The following NUP35 variants were observed in gnomAD, a reference collection of about 807,000 sequenced individuals.
NUP35 encodes nucleoporin 35.
NUP35 carries 25 observed loss-of-function variants against 41.5 expected under a neutral mutation model. That is an observed-to-expected ratio of 0.60 (90% CI 0.44 to 0.84). NUP35 has a LOEUF of 0.84. Ranked by LOEUF, NUP35 falls within the 40% of genes least tolerant of loss-of-function variation. The probability of loss-of-function intolerance (pLI) is 0.00; values close to 1 mark genes in which losing one functional copy is unlikely to be tolerated. For synonymous variants in NUP35, 149 were observed against 130.7 expected, an observed-to-expected ratio of 1.14 and a Z score of -0.96; for missense variants, 396 against 396.6, an observed-to-expected ratio of 1.00 and a Z score of 0.01.
intron 2 of NUP35, among the ~76,000 whole-genome samples, 184 bp downstream of exon 2, chr2:183,128,641 A>G (rs1684585908): frequency 6.6e-6 from 1 of 152,140 alleles, no homozygotes; most frequent in Admixed American, 6.5e-5. Flanking sequence ...AAATGTTTTA[A>G]GAAAGTTTAC....
rs762774237 is a variant in NUP35, at chr2:183,133,547, C to G, written c.340-19C>G. 6.3e-7 allele frequency: 1 copy of G among 1,594,680 alleles called. No homozygotes were observed. The highest frequency in any genetic ancestry group is 1.1e-5 in the South Asian group (1 of 87,612). On this transcript the variant is annotated intron_variant, in intron 3 of 8. Coordinates refer to ENST00000295119, the MANE Select transcript of NUP35 (RefSeq NM_138285.5). The stretch of plus-strand genomic sequence containing the variant: ...TATGTTTTGCATTTTTACCATAACA[C>G]TTTCTTCTGTTTGTGTAGCCAAACA...
intron 4 of NUP35, among the ~76,000 whole-genome samples, chr2:183,137,464 A>G (rs978641186): frequency 6.6e-6 from 1 of 152,186 alleles, no homozygotes; most frequent in Non-Finnish European, 1.5e-5. Context: ...ACACACCTGT[A>G]GTCCCAGCCA....
At chr2:183,143,161 A>G (rs1175948436) in intron 4 of NUP35, among the ~76,000 whole-genome samples, 3 of 151,428 alleles carry the variant, frequency 2.0e-5, no homozygotes, top group African/African-American at 7.3e-5. Flanking sequence ...ATCTCAAAAA[A>G]AAAAAAAAAG....
At chr2:183,159,450 T>C (rs994397584) in intron 7 of NUP35, 38 bp from the exon 8 acceptor site, 2 of 1,547,504 alleles carry the variant, frequency 1.3e-6, no homozygotes, top group Non-Finnish European at 1.8e-6. Flanking sequence ...ATATGTATTA[T>C]GTTTATAAAC....
Position 183,128,344 on chromosome 2 carries a change from A to G in NUP35, c.98A>G (p.Gln33Arg), listed in dbSNP as rs1267033838. The change falls in exon 2 of 9, where the codon CAG (glutamine) becomes CGG (arginine). Residue 33 changes from glutamine (Q) to arginine (R), a missense_variant. By Grantham distance (43) the Gln-to-Arg change is conservative (BLOSUM62 1). Coordinates refer to ENST00000295119, the MANE Select transcript of NUP35 (RefSeq NM_138285.5). ...TCTCCAAAGCCAGGAGTTAATGCCC[A>G]GTTCTTACCTGGATTTTTAATGGGG... ...PTSPKPGVNAQFLPGFLMGDL... is the reference protein window; with the variant it reads ...PTSPKPGVNARFLPGFLMGDL... 9 of 1,613,974 alleles carry G rather than the reference A, an allele frequency of 5.6e-6. No homozygotes were observed. In the South Asian group the frequency reaches 8.8e-5, roughly 16 times the overall value.
chr2:183,132,676 T>C (rs900989765), intron 3 of NUP35, among the ~76,000 whole-genome samples: 6 of 152,234 alleles, frequency 3.9e-5, no homozygotes, highest in Admixed American at 1.3e-4. Context: ...CTTACAGATA[T>C]TGCTGTATTC....
upstream of NUP35, chr2:183,124,352 G>A (rs1190246322): frequency 7.5e-6 from 12 of 1,597,604 alleles, no homozygotes; most frequent in Non-Finnish European, 1.0e-5. Context: ...AGGTCCGGAA[G>A]TTACGCAACC....
At chr2:183,153,015 G>A (rs1575134242) in intron 5 of NUP35, among the ~76,000 whole-genome samples, 2 of 152,188 alleles carry the variant, frequency 1.3e-5, no homozygotes, top group African/African-American at 4.8e-5. Flanking sequence ...GGAGGTGAAA[G>A]GCACTTCTTA....
chr2:183,157,320 A>G (rs1227074064), intron 5 of NUP35, 124 bp from the exon 6 acceptor site: 32 of 750,132 alleles, frequency 4.3e-5, no homozygotes, highest in Non-Finnish European at 7.5e-5. Context: ...CAGGATGATC[A>G]GCACTCTCCT....
chr2:183,133,630 G>A lies in NUP35; in HGVS notation c.397+7G>A. 6.6e-7 allele frequency: 1 copy of A among 1,513,084 alleles called. No individual in the cohort carries two copies. The highest frequency in any genetic ancestry group is 8.9e-7 in the Non-Finnish European group (1 of 1,127,904). 93.7% of individuals were successfully genotyped at this position (1,513,084 alleles called of 1,614,324 possible). ...ACATCTACTCCTGGAACAGGTAAGT[G>A]ATTCTTTCTTTTTTTTTTTTTTTTT... is the stretch of plus-strand genomic sequence containing the variant. On this transcript the variant is annotated splice_region_variant and intron_variant, in intron 4 of 8. Transcript: ENST00000295119.
At chr2:183,151,684 C>T (rs892742080) in intron 5 of NUP35, 35 bp downstream of exon 5, 3 of 1,582,098 alleles carry the variant, frequency 1.9e-6, no homozygotes, top group East Asian at 2.3e-5. Flanking sequence ...TTTAAAAACC[C>T]CACCCTAACA....
In NUP35 at chr2:183,137,905, G is replaced by T. The variant is rs576011860; in HGVS notation, c.397+4282G>T. On this transcript the variant is annotated intron_variant, in intron 4 of 8. Coordinates refer to ENST00000295119, the MANE Select transcript of NUP35 (RefSeq NM_138285.5). ...TCCTACCGTTGTCAAGTAGAAAAGC[G>T]CATGATTAATGTTAATAAATATCTT... 6.6e-5 allele frequency among the ~76,000 whole-genome samples: 10 copies of T among 151,956 alleles called. No individual in the cohort carries two copies. The East Asian group carries it at 1.7e-3, about 26-fold the overall frequency.
chr2:183,120,448 A>G (rs1322317837), upstream of NUP35, among the ~76,000 whole-genome samples: 1 of 144,124 alleles, frequency 6.9e-6, no homozygotes, highest in Non-Finnish European at 1.6e-5. Context: ...TCCGTCTCAA[A>G]AAAAAAAAAA....
At position 183,124,451 on chromosome 2, in the gene NUP35, C is replaced by T. The variant is rs761248682; in HGVS notation, c.-7C>T. On this transcript the variant is annotated 5_prime_UTR_variant, in exon 1 of 9. Coordinates refer to ENST00000295119, the MANE Select transcript of NUP35 (RefSeq NM_138285.5). ...AGGTACTGGTTTTAAGTGTAGTTGC[C>T]GACGCAATGGCAGCCTTTGCAGTGG... The T allele has an allele frequency of 1.7e-5, 27 of 1,614,138 alleles. No homozygotes were observed. The South Asian group carries it at 2.6e-4, about 16-fold the overall frequency.
At chr2:183,144,810 A>C (rs1685220821) in intron 4 of NUP35, among the ~76,000 whole-genome samples, 1 of 152,216 alleles carries the variant, frequency 6.6e-6, no homozygotes, top group Admixed American at 6.5e-5. Flanking sequence ...ATTATGCTAA[A>C]GTTATGTAAA....
At chr2:183,137,643 C>T (rs1271069132) in intron 4 of NUP35, among the ~76,000 whole-genome samples, 1 of 151,652 alleles carries the variant, frequency 6.6e-6, no homozygotes, top group Admixed American at 6.6e-5. Flanking sequence ...AAAAACAGGG[C>T]TGAGTGTGGC....
At chr2:183,154,963 A>G (rs1034738577) in intron 5 of NUP35, among the ~76,000 whole-genome samples, 4 of 152,212 alleles carry the variant, frequency 2.6e-5, no homozygotes, top group Admixed American at 2.0e-4. Flanking sequence ...AGAGAAAATG[A>G]GGAAGCAAAA....
At chr2:183,121,933 A>ATTATTATTATTATTATTAT (rs1553526836), upstream of NUP35, among the ~76,000 whole-genome samples, 10 of 149,718 alleles carry the variant, frequency 6.7e-5, no homozygotes, top group South Asian at 2.1e-4. Context: ...TATTATTATT[A>ATTATTATTATTATTATTAT]TACTTTAAGT....
intron 3 of NUP35, 123 bp from the exon 4 acceptor site, chr2:183,133,443 G>T: frequency 1.5e-6 from 1 of 680,962 alleles, no homozygotes; most frequent in Non-Finnish European, 2.4e-6. Flanking sequence ...TTTGTACTTT[G>T]AGCTAATTAG....
Sources: allele counts gnomAD v4.1 joint callset (sites outside exome capture counted in the v4.1 genomes callset), GRCh38; gene constraint gnomAD v4.1.1; transcripts MANE v1.5; gene names NCBI Gene and HGNC (gene_info 2026-07-23, HGNC 2026-07-21).